The following ASXL1 variants were observed in gnomAD, a reference collection of about 807,000 sequenced individuals.
ASXL1 encodes the protein ASXL transcriptional regulator 1.
A neutral mutation model predicts 89.1 loss-of-function variants in ASXL1; 65 were observed. The ratio of observed to expected loss-of-function variants is 0.73; its 90% CI spans 0.60 to 0.90. ASXL1 has a LOEUF of 0.90. ASXL1 is among the 40% of genes least tolerant of loss of function. The probability of loss-of-function intolerance (pLI) is 0.00; values close to 1 mark genes in which losing one functional copy is unlikely to be tolerated. For missense variants in ASXL1, 1,786 were observed against 1,942.9 expected (o/e 0.92, Z 1.52); for synonymous variants, 739 against 746.9 (o/e 0.99, Z 0.17).
At position 32,384,971 on chromosome 20, in the gene ASXL1, G is replaced by GA. The variant is rs931731844; in HGVS notation, c.252+15860dup. The stretch of plus-strand genomic sequence containing the variant: ...TCTAGGCTTCCTTGGGACTGCATTT[G>GA]AAAAAAAAAAAACTTTTCTTTGGGT... On this transcript the variant is annotated intron_variant, in intron 4 of 12. Coordinates refer to ENST00000375687, the MANE Select transcript of ASXL1 (RefSeq NM_015338.6). Among the ~76,000 whole-genome samples, 740 of 142,782 alleles carry GA rather than the reference G, an allele frequency of 5.2e-3. 1 individual carries two copies. The highest frequency in any genetic ancestry group is 0.018 in the Middle Eastern group (5 of 280). The allele number at this position is 142,782 out of a possible 152,430, so 93.7% of individuals were successfully genotyped here.
At chr20:32,367,311 C>T (rs1260960355) in intron 2 of ASXL1, among the ~76,000 whole-genome samples, 1 of 152,080 alleles carries the variant, frequency 6.6e-6, no homozygotes, top group Non-Finnish European at 1.5e-5. Context: ...ACTCAGGAGA[C>T]GGAGGTTGCA....
intron 4 of ASXL1, among the ~76,000 whole-genome samples, chr20:32,402,254 T>C (rs1229970504): frequency 3.3e-5 from 5 of 152,006 alleles, no homozygotes; most frequent in African/African-American, 1.2e-4. Context: ...AGAGATGGAG[T>C]CTTGCTTTGT....
intron 1 of ASXL1, among the ~76,000 whole-genome samples, chr20:32,364,962 GT>G (rs1206068922): frequency 1.3e-5 from 2 of 152,156 alleles, no homozygotes; most frequent in African/African-American, 4.8e-5. Flanking sequence ...TAAGAGACTG[GT>G]TTTGGGACTT....
chr20:32,427,947 A>G, intron 4 of ASXL1, 181 bp from the exon 5 acceptor site: 1 of 830,170 alleles, frequency 1.2e-6, no homozygotes, highest in Non-Finnish European at 1.9e-6. Context: ...AAGTGTATCT[A>G]ACTTTCTTAA....
Position 32,437,557 on chromosome 20 carries a change from GC to G in ASXL1, c.*221del. ...GGTATAACCCATTGGGCTGCCCAAG[GC>G]CAGCCAGCCTGAGCTCTCCTGCAAG... is the stretch of plus-strand genomic sequence containing the variant. On this transcript the variant is annotated 3_prime_UTR_variant, in exon 13 of 13. Coordinates refer to ENST00000375687, the MANE Select transcript of ASXL1 (RefSeq NM_015338.6). 1.5e-6 allele frequency: 1 copy of G among 662,162 alleles called. No homozygotes were observed. The highest frequency in any genetic ancestry group is 2.5e-6 in the Non-Finnish European group (1 of 399,680). 41.0% of individuals were successfully genotyped at this position (662,162 alleles called of 1,614,324 possible).
At chr20:32,411,999 C>T (rs1205999631) in intron 4 of ASXL1, among the ~76,000 whole-genome samples, 2 of 152,160 alleles carry the variant, frequency 1.3e-5, no homozygotes, top group African/African-American at 4.8e-5. Context: ...TACCTGCTTT[C>T]TGACCCAGCA....
rs2145378601 is a variant in ASXL1, at chr20:32,435,904, C to T, written c.3192C>T (p.Ser1064=). 1.2e-6 allele frequency: 2 copies of T among 1,614,178 alleles called. No homozygotes were observed. Among genetic ancestry groups the T allele is most frequent in the Non-Finnish European group, 1.7e-6 (2 of 1,180,036 alleles). The change falls in exon 13 of 13, where the codon AGC becomes AGT. Residue 1064 remains serine (S), a synonymous_variant. Transcript: ENST00000375687. ...CAGATGGGATGGTTGCTCCTCAGAG[C>T]TGGGTGTCTCGAGTATGTGCGGTCC... ...TRTDGMVAPQ[S]WVSRVCAVRQ... is the part of the protein sequence containing the mutation.
chr20:32,380,515 C>G (rs950682846), intron 4 of ASXL1, among the ~76,000 whole-genome samples: 1 of 151,982 alleles, frequency 6.6e-6, no homozygotes, highest in African/African-American at 2.4e-5. Context: ...ACTTTGGGAG[C>G]CCAAGGTGGG....
intron 4 of ASXL1, among the ~76,000 whole-genome samples, chr20:32,408,948 A>G (rs192812531): frequency 4.0e-5 from 6 of 151,572 alleles, no homozygotes; most frequent in Admixed American, 6.6e-5. Flanking sequence ...TTTTTTCTCA[A>G]GTATTTTTAT....
chr20:32,428,654 T>C, intron 6 of ASXL1: 2 of 101,480 alleles, frequency 2.0e-5, no homozygotes, highest in Non-Finnish European at 3.7e-5. Flanking sequence ...TGTTCATTCT[T>C]TTTTTTTTTT....
intron 4 of ASXL1, among the ~76,000 whole-genome samples, chr20:32,389,654 C>T (rs976755586): frequency 1.3e-5 from 2 of 152,114 alleles, no homozygotes; most frequent in African/African-American, 2.4e-5. Flanking sequence ...GGCACAATCT[C>T]GGCTCACTGC....
intron 1 of ASXL1, among the ~76,000 whole-genome samples, chr20:32,363,366 T>C (rs1043304080): frequency 9.9e-5 from 15 of 152,234 alleles, no homozygotes; most frequent in Admixed American, 9.2e-4. Context: ...CCAGGGTTTA[T>C]TGTAGGTTTG....
Position 32,431,614 on chromosome 20 carries a change from G to T in ASXL1, c.914G>T (p.Ser305Ile), listed in dbSNP as rs1413217828. 1 of 1,614,150 alleles carries T rather than the reference G, an allele frequency of 6.2e-7. No individual in the cohort carries two copies. The highest frequency in any genetic ancestry group is 2.2e-5 in the East Asian group (1 of 44,890). ...ACGGATGGCCTGTTGCGTCTCAGCA[G>T]CAGTGCACTAAATAACGAGTTTTTT... ...VGTDGLLRLS[S>I]SALNNEFFTH... The change falls in exon 10 of 13, where the codon AGC becomes ATC. Residue 305 changes from serine (S) to isoleucine (I), a missense_variant. Around this residue, in one of 3 missense-constraint regions of ASXL1, gnomAD observed 332 missense variants for 449.7 expected, o/e 0.74. Coordinates refer to ENST00000375687, the MANE Select transcript of ASXL1 (RefSeq NM_015338.6).
chr20:32,422,479 C>T (rs1357783004), intron 4 of ASXL1, among the ~76,000 whole-genome samples: 3 of 142,000 alleles, frequency 2.1e-5, no homozygotes, highest in Non-Finnish European at 4.6e-5. Context: ...ATTCAAATAT[C>T]CCAGTGTCTT....
At chr20:32,396,248 G>A (rs1342635167) in intron 4 of ASXL1, among the ~76,000 whole-genome samples, 1 of 151,828 alleles carries the variant, frequency 6.6e-6, no homozygotes, top group Non-Finnish European at 1.5e-5. Context: ...TGTCATTATG[G>A]GTCAGATTTC....
rs1203207717 is a variant in ASXL1 at position 32,436,991 on chromosome 20, CCTT to C, written c.4285_4287del (p.Ser1429del). 6.8e-6 allele frequency: 11 copies of C among 1,613,924 alleles called. No individual in the cohort carries two copies. The highest frequency in any genetic ancestry group is 9.3e-6 in the Non-Finnish European group (11 of 1,180,014). ...GAAGGGGCTCAGTGAGCCTCTGGAG[CCTT>C]CTTCTCTCCCCTCCCAACTCAGCAT... On this transcript the variant is annotated inframe_deletion, in exon 13 of 13. Transcript: ENST00000375687.
chr20:32,393,205 G>A (rs2048702932), intron 4 of ASXL1, among the ~76,000 whole-genome samples: 1 of 152,096 alleles, frequency 6.6e-6, no homozygotes, highest in African/African-American at 2.4e-5. Context: ...AGGTACATAA[G>A]CATTTATGAT....
At chr20:32,374,583 C>T (rs1370904927) in intron 4 of ASXL1, among the ~76,000 whole-genome samples, 2 of 152,162 alleles carry the variant, frequency 1.3e-5, no homozygotes, top group Non-Finnish European at 2.9e-5. Context: ...GTGTGAGCCA[C>T]GGTGCCCGGC....
intron 4 of ASXL1, among the ~76,000 whole-genome samples, chr20:32,424,082 C>T (rs962200555): frequency 3.3e-5 from 5 of 152,222 alleles, no homozygotes; most frequent in African/African-American, 1.2e-4. Context: ...TTTCCCCAGA[C>T]TCTAGGACCT....
Sources: gnomAD v4.1 joint callset for allele counts (sites outside exome capture counted in the v4.1 genomes callset) on GRCh38, gnomAD v4.1.1 for gene constraint, gnomAD v4.1.1 regional missense constraint, MANE v1.5 for transcripts, NCBI Gene and HGNC (gene_info 2026-07-23, HGNC 2026-07-21) for gene names.